KCNMA1: variants seen among roughly 807,000 people sequenced by gnomAD.
KCNMA1 encodes the protein Calcium-activated potassium channel subunit alpha-1.
A neutral mutation model predicts 140.0 loss-of-function variants in KCNMA1; 29 were observed. The ratio of observed to expected loss-of-function variants is 0.21; its 90% CI spans 0.15 to 0.28. KCNMA1 has a LOEUF of 0.28. Ranked by LOEUF, KCNMA1 falls within the 10% of genes least tolerant of loss-of-function variation. The probability of loss-of-function intolerance (pLI) is 1.00; values close to 1 mark genes in which losing one functional copy is unlikely to be tolerated. For missense variants in KCNMA1, 880 were observed against 1,602.2 expected (o/e 0.55, Z 7.70); for synonymous variants, 612 against 611.9 (o/e 1.00, Z 0.00).
At chr10:77,231,439 G>T (rs2053551298) in intron 3 of KCNMA1, among the ~76,000 whole-genome samples, 1 of 152,196 alleles carries the variant, frequency 6.6e-6, no homozygotes, top group Non-Finnish European at 1.5e-5. Flanking sequence ...CCTGCTAAAA[G>T]GTACAATGAA....
intron 1 of KCNMA1, among the ~76,000 whole-genome samples, chr10:77,567,114 C>G (rs1205592809): frequency 2.0e-5 from 3 of 152,310 alleles, no homozygotes; most frequent in Middle Eastern, 3.4e-3. Flanking sequence ...ACCAAGGAGA[C>G]AGAGCACGGG....
chr10:77,073,065 A>G, intron 14 of KCNMA1, 32 bp downstream of exon 14: 1 of 1,608,184 alleles, frequency 6.2e-7, no homozygotes, highest in Non-Finnish European at 8.5e-7. Context: ...TGGAATCCCG[A>G]GCTAATGTGC....
chr10:76,940,218 C>A (rs867406075), intron 23 of KCNMA1, among the ~76,000 whole-genome samples: 3 of 152,184 alleles, frequency 2.0e-5, no homozygotes, highest in African/African-American at 7.2e-5. Flanking sequence ...TGACAACAAG[C>A]CATCACATCT....
At chr10:77,333,831 G>T (rs1036754800) in intron 2 of KCNMA1, among the ~76,000 whole-genome samples, 1 of 152,198 alleles carries the variant, frequency 6.6e-6, no homozygotes, top group African/African-American at 2.4e-5. Flanking sequence ...TGAGTGTGAT[G>T]GGTAATTGGC....
At chr10:76,931,160 G>A (rs570832932) in intron 23 of KCNMA1, among the ~76,000 whole-genome samples, 14 of 152,154 alleles carry the variant, frequency 9.2e-5, no homozygotes, top group South Asian at 6.2e-4. Flanking sequence ...ACACACACCC[G>A]GGCACACACA....
At chr10:76,959,859 A>G (rs748969660) in intron 20 of KCNMA1, among the ~76,000 whole-genome samples, 1 of 152,238 alleles carries the variant, frequency 6.6e-6, no homozygotes, top group Non-Finnish European at 1.5e-5. Flanking sequence ...TACTCACAAG[A>G]ACACCTGTAG....
chr10:76,887,231 G>A lies in KCNMA1; in HGVS notation c.*35C>T, dbSNP rs1342588152. On this transcript the variant is annotated 3_prime_UTR_variant, in exon 28 of 28. Transcript: ENST00000286628. ...ACACCAACTGGGGAAATGAGTGGCA[G>A]ATACAGTTTCACACAGTGGCGGTGG... 6.2e-7 allele frequency: 1 copy of A among 1,613,824 alleles called. No homozygotes were observed. The highest frequency in any genetic ancestry group is 1.1e-5 in the South Asian group (1 of 90,894).
intron 2 of KCNMA1, among the ~76,000 whole-genome samples, chr10:77,283,498 C>T (rs945788839): frequency 6.6e-6 from 1 of 152,190 alleles, no homozygotes; most frequent in Non-Finnish European, 1.5e-5. Context: ...CTGTCAGATT[C>T]TTGATAAAGT....
At chr10:77,131,637 G>A (rs536636003) in intron 5 of KCNMA1, among the ~76,000 whole-genome samples, 171 of 151,656 alleles carry the variant, frequency 1.1e-3, no homozygotes, top group African/African-American at 4.0e-3. Context: ...TGAGCTGAGC[G>A]TTGGCTTCTC....
At chr10:77,193,067 G>T in intron 3 of KCNMA1, among the ~76,000 whole-genome samples, 1 of 151,410 alleles carries the variant, frequency 6.6e-6, no homozygotes, top group Non-Finnish European at 1.5e-5. Flanking sequence ...TTTTAGAGAT[G>T]AGAGCTTTCC....
intron 23 of KCNMA1, among the ~76,000 whole-genome samples, chr10:76,936,209 C>T (rs1368692226): frequency 2.0e-5 from 3 of 152,320 alleles, no homozygotes; most frequent in East Asian, 3.9e-4. Context: ...TGTAACAGGG[C>T]AGGCCCCTTT....
At chr10:77,280,690 CTT>C (rs36008118) in intron 2 of KCNMA1, among the ~76,000 whole-genome samples, 183 of 134,240 alleles carry the variant, frequency 1.4e-3, no homozygotes, top group Middle Eastern at 3.9e-3. Context: ...CCATGCCTGG[CTT>C]TTTTTTTTTT....
At chr10:77,237,415 C>A (rs1297489068) in intron 3 of KCNMA1, among the ~76,000 whole-genome samples, 1 of 152,164 alleles carries the variant, frequency 6.6e-6, no homozygotes, top group Non-Finnish European at 1.5e-5. Context: ...TGATTCCAAA[C>A]CCTGGTGTTC....
chr10:77,572,569 C>CTATATATATATAT (rs2071879711), intron 1 of KCNMA1, among the ~76,000 whole-genome samples: 5 of 37,568 alleles, frequency 1.3e-4, no homozygotes, highest in Admixed American at 9.4e-4. Context: ...AAAAAAAATC[C>CTATATATATATAT]ATATATATAT....
At chr10:77,453,288 C>T (rs1220740608) in intron 1 of KCNMA1, among the ~76,000 whole-genome samples, 1 of 151,802 alleles carries the variant, frequency 6.6e-6, no homozygotes, top group Non-Finnish European at 1.5e-5. Flanking sequence ...ATTACAGCAT[C>T]CATCTTCTGA....
intron 1 of KCNMA1, among the ~76,000 whole-genome samples, chr10:77,440,107 C>T (rs1603620006): frequency 6.6e-6 from 1 of 152,142 alleles, no homozygotes; most frequent in Admixed American, 6.6e-5. Flanking sequence ...CCTTCCTATC[C>T]TCTCTGGGTC....
At chr10:77,436,615 CA>C (rs1471923978) in intron 1 of KCNMA1, among the ~76,000 whole-genome samples, 2 of 152,286 alleles carry the variant, frequency 1.3e-5, no homozygotes, top group East Asian at 3.9e-4. Flanking sequence ...GGAAACAGCA[CA>C]GAGAAGTGAA....
intron 3 of KCNMA1, among the ~76,000 whole-genome samples, chr10:77,208,044 G>C (rs2044714787): frequency 6.6e-6 from 1 of 152,240 alleles, no homozygotes; most frequent in South Asian, 2.1e-4. Flanking sequence ...TTGGCTGCTT[G>C]ATATCGCCAC....
intron 3 of KCNMA1, among the ~76,000 whole-genome samples, chr10:77,201,886 G>A (rs1005724687): frequency 1.4e-4 from 22 of 152,026 alleles, no homozygotes; most frequent in Non-Finnish European, 3.1e-4. Flanking sequence ...ACAGCAGTAC[G>A]CCAATATCAA....
Sources: allele counts gnomAD v4.1 joint callset (sites outside exome capture counted in the v4.1 genomes callset), GRCh38; gene constraint gnomAD v4.1.1; transcripts MANE v1.5; gene names NCBI Gene and HGNC (gene_info 2026-07-23, HGNC 2026-07-21).